Variants in RPTOR observed in about 807,000 individuals in gnomAD.
RPTOR encodes regulatory associated protein of MTOR complex 1.
In RPTOR, 21 loss-of-function variants were observed where a neutral mutation model predicts 169.9. The ratio of observed to expected loss-of-function variants is 0.12; its 90% CI spans 0.09 to 0.18. The LOEUF (loss-of-function observed/expected upper bound fraction) is 0.18, where lower values mean the gene tolerates loss of function less well. Among genes scored for constraint, RPTOR ranks in the 10% least tolerant of loss-of-function variants. RPTOR has a pLI of 1.00. For missense variants in RPTOR, 1,133 were observed against 1,855.9 expected, an observed-to-expected ratio of 0.61 and a Z score of 7.16; for synonymous variants, 732 against 753.2, an observed-to-expected ratio of 0.97 and a Z score of 0.46.
intron 3 of RPTOR, among the ~76,000 whole-genome samples, chr17:80,700,856 G>C (rs1487893361): frequency 1.3e-5 from 2 of 150,632 alleles, no homozygotes; most frequent in Admixed American, 6.6e-5. Flanking sequence ...GATGATGGTG[G>C]TGGTAGTGGT....
intron 2 of RPTOR, among the ~76,000 whole-genome samples, chr17:80,634,056 G>GTGTGTGCATACTATGTA (rs1306097683): frequency 1.2e-4 from 18 of 152,322 alleles, no homozygotes; most frequent in African/African-American, 4.3e-4. Flanking sequence ...GGAAATGCAT[G>GTGTGTGCATACTATGTA]TGTGTGCATA....
intron 7 of RPTOR, among the ~76,000 whole-genome samples, chr17:80,797,716 A>G (rs554199831): frequency 1.1e-3 from 160 of 152,294 alleles, no homozygotes; most frequent in African/African-American, 3.5e-3. Context: ...TATAAAAAAT[A>G]CCTCGTTATT....
Position 80,837,941 on chromosome 17 carries a change from G to T in RPTOR, c.1156G>T (p.Val386Phe). The T allele has an allele frequency of 6.2e-7, 1 of 1,612,004 alleles. No individual in the cohort carries two copies. Reference sequence around the variant, plus strand: ...CCGCAGGCAAGCCTGGGACCTGGCTGTTGACATCTGTCTGTCTCAGCTGCC... The same window carrying T: ...CCGCAGGCAAGCCTGGGACCTGGCTTTTGACATCTGTCTGTCTCAGCTGCC... ...HAMWQAWDLA[V>F]DICLSQLPTI... Residue 386 changes from valine (V) to phenylalanine (F), a missense_variant, in exon 10 of 34, where the codon GTT becomes TTT. Physicochemically the swap from Val to Phe is conservative, Grantham distance 50. This residue lies in a region of RPTOR where 289 missense variants were observed against 585.8 expected (regional missense o/e 0.49). Transcript: ENST00000306801.
chr17:80,945,288 C>T (rs1360321176), intron 25 of RPTOR, among the ~76,000 whole-genome samples: 1 of 151,926 alleles, frequency 6.6e-6, no homozygotes, highest in African/African-American at 2.4e-5. Context: ...GAACAGGACA[C>T]TGTCTTTAAA....
At chr17:80,824,016 T>G (rs968311495) in intron 9 of RPTOR, among the ~76,000 whole-genome samples, 28 of 152,214 alleles carry the variant, frequency 1.8e-4, no homozygotes, top group African/African-American at 6.8e-4. Flanking sequence ...GCCAGGTTTA[T>G]TTTAGCTAGT....
intron 3 of RPTOR, among the ~76,000 whole-genome samples, chr17:80,684,417 TTTA>T (rs1334534109): frequency 1.9e-5 from 2 of 105,178 alleles, no homozygotes; most frequent in Non-Finnish European, 4.6e-5. Context: ...TATTTATTTA[TTTA>T]TTTATTTATT....
chr17:80,660,660 C>T (rs2065715772), intron 3 of RPTOR, among the ~76,000 whole-genome samples: 1 of 152,148 alleles, frequency 6.6e-6, no homozygotes, highest in African/African-American at 2.4e-5. Flanking sequence ...CGGCAAGGGA[C>T]TAACAAGGGC....
intron 7 of RPTOR, among the ~76,000 whole-genome samples, chr17:80,795,870 C>T (rs534840755): frequency 3.3e-5 from 5 of 152,314 alleles, no homozygotes; most frequent in Admixed American, 1.3e-4. Context: ...GTCCGCCTCC[C>T]GCCAGACACT....
At chr17:80,872,833 C>T (rs988539423) in intron 13 of RPTOR, among the ~76,000 whole-genome samples, 2 of 152,146 alleles carry the variant, frequency 1.3e-5, no homozygotes, top group Admixed American at 6.5e-5. Flanking sequence ...GTGCCGAGGG[C>T]GACCACAGAG....
At chr17:80,843,979 C>T (rs1415461878) in intron 10 of RPTOR, among the ~76,000 whole-genome samples, 1 of 152,186 alleles carries the variant, frequency 6.6e-6, no homozygotes, top group African/African-American at 2.4e-5. Flanking sequence ...GGCCGGGCAA[C>T]CCAGACGCTC....
At chr17:80,664,526 T>C (rs2065748988) in intron 3 of RPTOR, among the ~76,000 whole-genome samples, 1 of 138,942 alleles carries the variant, frequency 7.2e-6, no homozygotes. Flanking sequence ...TTCCCTCCTT[T>C]CCTTCTTCTC....
rs1291614624 is a variant in RPTOR, at chr17:80,899,796, A to AT, written c.2401+5940dup. Among the ~76,000 whole-genome samples, 9 of 151,702 alleles carry AT rather than the reference A, an allele frequency of 5.9e-5. No homozygotes were observed. In the South Asian group the frequency reaches 1.0e-3, roughly 18 times the overall value. On this transcript the variant is annotated intron_variant, in intron 20 of 33. Transcript: ENST00000306801. ...CACATCACAAAATATTGTTCCTTTG[A>AT]TTTTTTTTTCAACCACTTAAAAAGT...
At chr17:80,955,108 T>C (rs1254421322) in intron 28 of RPTOR, among the ~76,000 whole-genome samples, 2 of 149,678 alleles carry the variant, frequency 1.3e-5, no homozygotes, top group Admixed American at 6.5e-5. Context: ...ATTGTGGAGA[T>C]TGGCAGTTCT....
At chr17:80,632,962 C>T (rs76797169) in intron 2 of RPTOR, among the ~76,000 whole-genome samples, 3 of 151,886 alleles carry the variant, frequency 2.0e-5, no homozygotes, top group Non-Finnish European at 2.9e-5. Context: ...GCATCCCCCA[C>T]GCTTTTAAAA....
intron 6 of RPTOR, among the ~76,000 whole-genome samples, chr17:80,770,312 T>C (rs2143409949): frequency 6.6e-6 from 1 of 152,286 alleles, no homozygotes; most frequent in Admixed American, 6.5e-5. Flanking sequence ...TCACTTCGGG[T>C]CCTCAGATCC....
intron 3 of RPTOR, among the ~76,000 whole-genome samples, chr17:80,686,039 G>A (rs2065944693): frequency 6.6e-6 from 1 of 152,050 alleles, no homozygotes; most frequent in Non-Finnish European, 1.5e-5. Context: ...CCCATCTGGT[G>A]CTGTTCATTT....
Position 80,545,270 on chromosome 17 carries a change from G to C in RPTOR, c.-360G>C, listed in dbSNP as rs2084259896. On this transcript the variant is annotated 5_prime_UTR_variant, in exon 1 of 34. Transcript: ENST00000306801. ...GAACTGCTGAGGCGGTGGAGGCCGA[G>C]AGCAGGGTCATCGTGAGGCCTGAAG... is the stretch of plus-strand genomic sequence containing the variant. 1 of 243,798 alleles carries C rather than the reference G, an allele frequency of 4.1e-6. No homozygotes were observed. Among genetic ancestry groups the C allele is most frequent in the Admixed American group, 5.5e-5 (1 of 18,182 alleles). 15.1% of individuals were successfully genotyped at this position (243,798 alleles called of 1,614,324 possible).
At chr17:80,563,966 C>T (rs1444918848) in intron 1 of RPTOR, among the ~76,000 whole-genome samples, 1 of 152,226 alleles carries the variant, frequency 6.6e-6, no homozygotes, top group African/African-American at 2.4e-5. Flanking sequence ...CTCATTCACC[C>T]CCTTGGACCG....
Position 80,726,850 on chromosome 17 carries a change from C to A in RPTOR, c.508-3710C>A, listed in dbSNP as rs1167975627. Among the ~76,000 whole-genome samples, 2 of 152,174 alleles carry A rather than the reference C, an allele frequency of 1.3e-5. No individual in the cohort carries two copies. The highest frequency in any genetic ancestry group is 2.9e-5 in the Non-Finnish European group (2 of 68,036). ...CTGCCAAAATCCTTTCTCCTGTCAG[C>A]GTGGGGGGTGATCCTGCCCAATTAA... On this transcript the variant is annotated intron_variant, in intron 4 of 33. Transcript: ENST00000306801. This position sits in a 1 kb window ranked among gnomAD's most constrained non-coding sequence, Gnocchi z 4.5.
Sources: gnomAD v4.1 joint callset for allele counts (sites outside exome capture counted in the v4.1 genomes callset) on GRCh38, gnomAD v4.1.1 for gene constraint, gnomAD v4.1.1 regional missense constraint, Gnocchi (gnomAD v3.1) non-coding constraint, MANE v1.5 for transcripts, NCBI Gene and HGNC (gene_info 2026-07-23, HGNC 2026-07-21) for gene names.